The following RTTN variants were observed in gnomAD, a reference collection of about 807,000 sequenced individuals.
RTTN encodes rotatin.
Under a neutral mutation model 269.2 loss-of-function variants are expected in RTTN, and 182 were observed. That is an observed-to-expected ratio of 0.68 (90% confidence interval 0.60 to 0.76). The LOEUF (loss-of-function observed/expected upper bound fraction) is 0.76. RTTN is among the 30% of genes least tolerant of loss of function. The probability of loss-of-function intolerance (pLI) is 0.00; values close to 1 mark genes in which losing one functional copy is unlikely to be tolerated. For synonymous variants in RTTN, 1,006 were observed against 963.5 expected, an observed-to-expected ratio of 1.04 and a Z score of -0.82; for missense variants, 2,545 against 2,608.6, an observed-to-expected ratio of 0.98 and a Z score of 0.53.
At chr18:70,175,067 G>C (rs200403258) in intron 11 of RTTN, among the ~76,000 whole-genome samples, 90 of 71,990 alleles carry the variant, frequency 1.3e-3, no homozygotes, top group African/African-American at 4.1e-3. Context: ...AAAAAAAAAA[G>C]AATAAATAAC....
chr18:70,062,202 TAA>T (rs1263946731), intron 35 of RTTN, among the ~76,000 whole-genome samples: 8 of 152,224 alleles, frequency 5.3e-5, no homozygotes, highest in Non-Finnish European at 1.5e-5. Flanking sequence ...GTAGCTGGAT[TAA>T]TTGGTTTGTA....
rs189284722 is a variant in RTTN, at chr18:70,093,158, T to C, written c.3904-354A>G. Reference sequence around the variant, plus strand: ...AGCTGGAGCTTGCGGTGAGCTATGATTGCACCACTGCACTTGGCCTAAGTT... The same window carrying C: ...AGCTGGAGCTTGCGGTGAGCTATGACTGCACCACTGCACTTGGCCTAAGTT... On this transcript the variant is annotated intron_variant, in intron 28 of 48. Transcript: ENST00000640769. 9.5e-4 allele frequency among the ~76,000 whole-genome samples: 144 copies of C among 152,136 alleles called. 1 individual carries two copies. In the Middle Eastern group the frequency reaches 0.024, roughly 25 times the overall value.
At chr18:70,012,630 A>G (rs942891777) in intron 46 of RTTN, among the ~76,000 whole-genome samples, 15 of 149,776 alleles carry the variant, frequency 1.0e-4, no homozygotes, top group Admixed American at 4.0e-4. Flanking sequence ...GCTCACTGGT[A>G]TTAGTTACAG....
intron 28 of RTTN, among the ~76,000 whole-genome samples, chr18:70,100,713 C>T (rs182250): frequency 0.9 from 137,625 of 152,192 alleles, 62,995 homozygotes; most frequent in East Asian, 1. Flanking sequence ...GGCTGTGGGT[C>T]TGTCATAAAT....
chr18:70,142,402 A>G lies in RTTN; in HGVS notation c.2482-15T>C, dbSNP rs750930310. 29 of 1,367,920 alleles carry G rather than the reference A, an allele frequency of 2.1e-5. 1 individual carries two copies. Among genetic ancestry groups the G allele is most frequent in the Non-Finnish European group, 2.9e-5 (28 of 978,242 alleles). 84.7% of individuals were successfully genotyped at this position (1,367,920 alleles called of 1,614,324 possible). ...ACAGTCTCCAACTACAAACCAAAAA[A>G]AAAAAAAAACCAAAATTACATTTAT... On this transcript the variant is annotated splice_polypyrimidine_tract_variant and intron_variant, in intron 18 of 48. Coordinates refer to ENST00000640769, the MANE Select transcript of RTTN (RefSeq NM_173630.4).
In RTTN at chr18:70,122,938, A is replaced by G. The variant is rs552101979; in HGVS notation, c.3384-1238T>C. Among the ~76,000 whole-genome samples, 6 of 152,174 alleles carry G rather than the reference A, an allele frequency of 3.9e-5. No homozygotes were observed. In the South Asian group the frequency reaches 1.2e-3, roughly 32 times the overall value. On this transcript the variant is annotated intron_variant, in intron 25 of 48. Coordinates refer to ENST00000640769, the MANE Select transcript of RTTN (RefSeq NM_173630.4). ...GTAACCCCATTTTATAACCACCCTC[A>G]TATCCCCTAAATCTAAGTGTACTAT...
intron 10 of RTTN, among the ~76,000 whole-genome samples, chr18:70,180,591 GAAAAAA>G (rs34828958): frequency 1.1e-5 from 1 of 95,076 alleles, no homozygotes; most frequent in Non-Finnish European, 2.1e-5. Flanking sequence ...CTGGGGAAGA[GAAAAAA>G]AAAAAAAAAA....
At chr18:70,128,041 T>G in intron 24 of RTTN, 2 of 427,990 alleles carry the variant, frequency 4.7e-6, no homozygotes, top group Non-Finnish European at 8.4e-6. Flanking sequence ...ATAACACTCA[T>G]GCATATACTT....
At chr18:70,061,421 T>C (rs2144912014) in intron 35 of RTTN, 1 of 456,264 alleles carries the variant, frequency 2.2e-6, no homozygotes, top group Middle Eastern at 3.3e-4. Context: ...GAATGGAGTT[T>C]GGAAAGCAAG....
In RTTN at chr18:70,089,166, G is replaced by T. The variant is rs72959895; in HGVS notation, c.4144-1019C>A. Among the ~76,000 whole-genome samples, 920 of 152,282 alleles carry T rather than the reference G, an allele frequency of 6.0e-3. 3 individuals are homozygous for T. The highest frequency in any genetic ancestry group is 0.01 in the Middle Eastern group (3 of 294). ...ACTGAACTGTGTCTCCTCAAGACTCGTATGTTGAAGCCCTAATCCCCAACC... is the reference window on the plus strand; with the variant it reads ...ACTGAACTGTGTCTCCTCAAGACTCTTATGTTGAAGCCCTAATCCCCAACC... On this transcript the variant is annotated intron_variant, in intron 30 of 48. Coordinates refer to ENST00000640769, the MANE Select transcript of RTTN (RefSeq NM_173630.4).
intron 13 of RTTN, chr18:70,166,596 A>G: frequency 4.7e-6 from 1 of 211,810 alleles, no homozygotes; most frequent in Non-Finnish European, 9.2e-6. Context: ...CTCTCAGTTT[A>G]AGTTATTAAT....
intron 46 of RTTN, chr18:70,008,534 A>G (rs966282127): frequency 6.6e-6 from 1 of 152,142 alleles, no homozygotes; most frequent in Non-Finnish European, 1.5e-5. Context: ...AATGCTAACT[A>G]GAATAACCAG....
chr18:70,013,393 ATGTGTG>A (rs747807433), intron 46 of RTTN, among the ~76,000 whole-genome samples: 3 of 147,292 alleles, frequency 2.0e-5, no homozygotes, highest in African/African-American at 5.2e-5. Context: ...ATATATACAT[ATGTGTG>A]TGTGTGTGTG....
intron 14 of RTTN, among the ~76,000 whole-genome samples, chr18:70,159,756 GACCCCACAGAA>G (rs1434946669): frequency 3.3e-5 from 5 of 151,968 alleles, no homozygotes; most frequent in African/African-American, 4.8e-5. Flanking sequence ...CATTATCACT[GACCCCACAGAA>G]AGACCCTCAG....
intron 48 of RTTN, among the ~76,000 whole-genome samples, 194 bp downstream of exon 48, chr18:70,005,004 T>C (rs1235873836): frequency 6.6e-6 from 1 of 152,220 alleles, no homozygotes; most frequent in Non-Finnish European, 1.5e-5. Flanking sequence ...GATGCATTTT[T>C]AGAAGCAATC....
intron 38 of RTTN, among the ~76,000 whole-genome samples, chr18:70,051,854 A>G (rs2057680493): frequency 6.6e-6 from 1 of 152,238 alleles, no homozygotes; most frequent in Non-Finnish European, 1.5e-5. Context: ...CCATGACTGC[A>G]GAACTACATA....
chr18:70,121,037 C>T (rs956478174), intron 26 of RTTN, among the ~76,000 whole-genome samples: 10 of 150,818 alleles, frequency 6.6e-5, no homozygotes, highest in Non-Finnish European at 1.2e-4. Context: ...GGTGACAGGG[C>T]GAGACGCCGT....
intron 27 of RTTN, among the ~76,000 whole-genome samples, chr18:70,111,210 T>C (rs2059456160): frequency 6.6e-6 from 1 of 152,218 alleles, no homozygotes; most frequent in Admixed American, 6.5e-5. Flanking sequence ...CAAGCTCTGC[T>C]AAGGGTCAGA....
rs146313531 is a variant in RTTN at position 70,006,350 on chromosome 18, C to G, written c.6525+31G>C. 326 of 1,506,656 alleles carry G rather than the reference C, an allele frequency of 2.2e-4. No individual in the cohort carries two copies. In the African/African-American group the frequency reaches 3.8e-3, roughly 18 times the overall value. 93.3% of individuals were successfully genotyped at this position (1,506,656 alleles called of 1,614,324 possible). A position where few individuals can be genotyped will look rare whatever the true frequency, so the allele number is the denominator to read the frequency against. On this transcript the variant is annotated intron_variant, in intron 47 of 48. Coordinates refer to ENST00000640769, the MANE Select transcript of RTTN (RefSeq NM_173630.4). ...CTGGGTTATACCTTGTTGTTTGCTC[C>G]CCAGGTGTAACAATGATTTTTAAAA...
Sources: gnomAD v4.1 joint callset for allele counts (sites outside exome capture counted in the v4.1 genomes callset) on GRCh38, gnomAD v4.1.1 for gene constraint, MANE v1.5 for transcripts, NCBI Gene and HGNC (gene_info 2026-07-23, HGNC 2026-07-21) for gene names.